SLC26A7: variants seen among roughly 807,000 people sequenced by gnomAD.
The protein encoded by SLC26A7 is solute carrier family 26 member 7, also known as anion exchange transporter.
SLC26A7 carries 59 observed loss-of-function variants against 82.5 expected under a neutral mutation model. That is an observed-to-expected ratio of 0.72 (90% CI 0.58 to 0.89). The LOEUF (loss-of-function observed/expected upper bound fraction) is 0.89. Ranked by LOEUF, SLC26A7 falls within the 40% of genes least tolerant of loss-of-function variation. SLC26A7 has a pLI of 0.00. For synonymous variants in SLC26A7, 271 were observed against 274.3 expected (o/e 0.99, Z 0.12); for missense variants, 820 against 793.0 (o/e 1.03, Z -0.41).
intron 15 of SLC26A7, among the ~76,000 whole-genome samples, chr8:91,379,496 A>C (rs1814610579): frequency 6.6e-6 from 1 of 152,072 alleles, no homozygotes; most frequent in Non-Finnish European, 1.5e-5. Context: ...GAGAGTTCAG[A>C]GGGGGAAAAC....
At chr8:91,321,995 C>G (rs548519470) in intron 5 of SLC26A7, among the ~76,000 whole-genome samples, 1 of 152,096 alleles carries the variant, frequency 6.6e-6, no homozygotes, top group African/African-American at 2.4e-5. Context: ...TAAGTGGAAG[C>G]CATTGTCTTT....
intron 2 of SLC26A7, among the ~76,000 whole-genome samples, chr8:91,237,733 C>G (rs1490784408): frequency 2.0e-5 from 3 of 152,190 alleles, no homozygotes; most frequent in Admixed American, 2.0e-4. Flanking sequence ...TCCCCTATTT[C>G]CTTATCACTC....
In SLC26A7 at chr8:91,249,815, T is replaced by C; in HGVS notation, c.164T>C (p.Ile55Thr). Residue 55 changes from isoleucine (I) to threonine (T), a missense_variant, in exon 2 of 19, where the codon ATA becomes ACA. Coordinates refer to ENST00000276609, the MANE Select transcript of SLC26A7 (RefSeq NM_052832.4). Reference sequence around the variant, plus strand: ...TTGCTTCCAGACACTGTGTCTGGGATAATGTTGGCAGTTCAACAGGTGACC... The same window carrying C: ...TTGCTTCCAGACACTGTGTCTGGGACAATGTTGGCAGTTCAACAGGTGACC... Reference protein sequence around the residue: ...ENLLPDTVSGIMLAVQQVTQG... With the variant: ...ENLLPDTVSGTMLAVQQVTQG... The C allele has an allele frequency of 1.9e-6, 3 of 1,607,648 alleles. No homozygotes were observed. Among genetic ancestry groups the C allele is most frequent in the East Asian group, 2.2e-5 (1 of 44,756 alleles).
chr8:91,302,541 C>T lies in SLC26A7; in HGVS notation c.477+6838C>T, dbSNP rs75654644. On this transcript the variant is annotated intron_variant, in intron 4 of 18. Transcript: ENST00000276609. ...AGTTTCTGTGTTGTACATTAGAATA[C>T]GGGCTTTTTAACAACAGCATTATTG... is the stretch of plus-strand genomic sequence containing the variant. Among the ~76,000 whole-genome samples the T allele has an allele frequency of 2.7e-3, 408 of 152,110 alleles. 2 individuals carry two copies. The highest frequency in any genetic ancestry group is 9.2e-3 in the African/African-American group (384 of 41,518).
At chr8:91,376,392 A>G (rs1166791039) in intron 15 of SLC26A7, among the ~76,000 whole-genome samples, 2 of 151,852 alleles carry the variant, frequency 1.3e-5, no homozygotes, top group East Asian at 1.9e-4. Context: ...GGACTTTTAC[A>G]TTTTTCACTC....
rs1814199104 is a variant in SLC26A7, at chr8:91,366,608, C to T, written c.1517C>T (p.Ser506Leu). ...ACCCTGCAGCAGGTGAAAATTATCT[C>T]AATAAACAACCCGCTTGTTTTCCTG... The part of the protein sequence containing the change: ...SETLQQVKII[S>L]INNPLVFLNA... The change falls in exon 14 of 19, where the codon TCA becomes TTA. Residue 506 changes from serine to leucine, a missense_variant. Transcript: ENST00000276609. 6.2e-7 allele frequency: 1 copy of T among 1,613,122 alleles called. No individual in the cohort carries two copies. Among genetic ancestry groups the T allele is most frequent in the South Asian group, 1.1e-5 (1 of 90,928 alleles).
At chr8:91,363,394 G>T (rs964972568) in intron 12 of SLC26A7, 78 bp from the exon 13 acceptor site, 1 of 805,204 alleles carries the variant, frequency 1.2e-6, no homozygotes, top group African/African-American at 1.8e-5. Context: ...GTTATTAAAT[G>T]ACTACTTTTG....
chr8:91,246,246 G>A (rs1212044367), upstream of SLC26A7, among the ~76,000 whole-genome samples: 1 of 152,176 alleles, frequency 6.6e-6, no homozygotes, highest in African/African-American at 2.4e-5. Flanking sequence ...TCCAATGTCT[G>A]CAGCTCCTTC....
chr8:91,266,261 T>C (rs1811109931), intron 2 of SLC26A7, among the ~76,000 whole-genome samples: 1 of 151,946 alleles, frequency 6.6e-6, no homozygotes, highest in African/African-American at 2.4e-5. Context: ...TTTTTTTCTA[T>C]TTATGTGAAG....
chr8:91,301,726 T>C (rs926375590), intron 4 of SLC26A7, among the ~76,000 whole-genome samples: 2 of 151,980 alleles, frequency 1.3e-5, no homozygotes, highest in South Asian at 4.1e-4. Context: ...ATTATTTCCT[T>C]CAATTTACCA....
At chr8:91,319,920 C>T (rs1297577551) in intron 5 of SLC26A7, among the ~76,000 whole-genome samples, 1 of 152,066 alleles carries the variant, frequency 6.6e-6, no homozygotes, top group Admixed American at 6.5e-5. Flanking sequence ...CAGCTTGTTT[C>T]TCTGGTGGGA....
chr8:91,347,931 T>A (rs1813609477), intron 9 of SLC26A7, among the ~76,000 whole-genome samples: 1 of 152,222 alleles, frequency 6.6e-6, no homozygotes, highest in African/African-American at 2.4e-5. Flanking sequence ...ACGGTAAGTA[T>A]GGGAGGGAGC....
At chr8:91,346,378 T>C (rs1407730451) in intron 9 of SLC26A7, among the ~76,000 whole-genome samples, 1 of 152,176 alleles carries the variant, frequency 6.6e-6, no homozygotes, top group South Asian at 2.1e-4. Context: ...AAGCCAAGCC[T>C]TAAAAGTTTT....
intron 14 of SLC26A7, 61 bp from the exon 15 acceptor site, chr8:91,369,724 T>G (rs921079899): frequency 4.7e-6 from 6 of 1,274,758 alleles, no homozygotes; most frequent in East Asian, 2.7e-5. Flanking sequence ...TTATGTGATT[T>G]TTTTCAGACA....
intron 15 of SLC26A7, among the ~76,000 whole-genome samples, chr8:91,388,872 T>C (rs1563714822): frequency 6.6e-6 from 1 of 151,850 alleles, no homozygotes; most frequent in Non-Finnish European, 1.5e-5. Flanking sequence ...TTTTTTTTTT[T>C]AGAGTGATTC....
chr8:91,268,249 T>A (rs892102303), intron 2 of SLC26A7, among the ~76,000 whole-genome samples: 2 of 151,878 alleles, frequency 1.3e-5, no homozygotes. Context: ...CCCCTACTAT[T>A]ACTGTATTGC....
chr8:91,384,186 C>G (rs183097391), intron 15 of SLC26A7, among the ~76,000 whole-genome samples: 1 of 152,276 alleles, frequency 6.6e-6, no homozygotes, highest in Admixed American at 6.5e-5. Context: ...TGCATTCCTT[C>G]TGGAGGGTCT....
At chr8:91,255,620 T>C (rs1031625903) in intron 2 of SLC26A7, among the ~76,000 whole-genome samples, 3 of 152,142 alleles carry the variant, frequency 2.0e-5, no homozygotes, top group Non-Finnish European at 4.4e-5. Flanking sequence ...ATAGAAGAGC[T>C]GTGACACATT....
rs1814204373 is a variant in SLC26A7, at chr8:91,366,710, T to A, written c.1619T>A (p.Ile540Asn). ...GCCTGTAATCAGCCACTTGATGATA[T>A]CAGCAAGGTAGGATCAATGGTTTGA... ...ENACNQPLDD[I>N]SKCEQNTLLN... The change falls in exon 14 of 19, where the codon ATC becomes AAC. Residue 540 changes from isoleucine (I) to asparagine (N), a missense_variant. Physicochemically the swap from Ile to Asn is moderately radical, Grantham distance 149. Coordinates refer to ENST00000276609, the MANE Select transcript of SLC26A7 (RefSeq NM_052832.4). 6.2e-7 allele frequency: 1 copy of A among 1,611,610 alleles called. No homozygotes were observed. The highest frequency in any genetic ancestry group is 8.5e-7 in the Non-Finnish European group (1 of 1,179,392).
Sources: allele counts gnomAD v4.1 joint callset (sites outside exome capture counted in the v4.1 genomes callset), GRCh38; gene constraint gnomAD v4.1.1; transcripts MANE v1.5; gene names NCBI Gene and HGNC (gene_info 2026-07-23, HGNC 2026-07-21).